The following PDE2A variants were observed in gnomAD, a reference collection of about 807,000 sequenced individuals.
The protein encoded by PDE2A is phosphodiesterase 2A.
In PDE2A, 53 loss-of-function variants were observed where a neutral mutation model predicts 133.6. The observed-to-expected ratio is 0.40, with a 90% CI of 0.32 to 0.50. The LOEUF (loss-of-function observed/expected upper bound fraction) is 0.50. Among genes scored for constraint, PDE2A ranks in the 20% least tolerant of loss-of-function variants. The probability of loss-of-function intolerance (pLI) is 0.73; values close to 1 mark genes in which losing one functional copy is unlikely to be tolerated. For synonymous variants in PDE2A, 491 were observed against 490.2 expected (o/e 1.00, Z -0.02); for missense variants, 796 against 1,232.4 (o/e 0.65, Z 5.30).
intron 2 of PDE2A, among the ~76,000 whole-genome samples, chr11:72,634,807 G>A (rs1278448644): frequency 2.6e-5 from 4 of 152,220 alleles, no homozygotes; most frequent in Non-Finnish European, 5.9e-5. Flanking sequence ...TCACCCTTGG[G>A]GCAAGAACAG....
chr11:72,608,921 GAATGTCCA>G (rs1456857620), intron 2 of PDE2A, among the ~76,000 whole-genome samples, 170 bp from the exon 3 acceptor site: 1 of 152,206 alleles, frequency 6.6e-6, no homozygotes, highest in Non-Finnish European at 1.5e-5. Flanking sequence ...TAAGGCCACA[GAATGTCCA>G]AGTACCCTCA....
chr11:72,619,595 G>T (rs1857646761), intron 2 of PDE2A, among the ~76,000 whole-genome samples: 1 of 152,220 alleles, frequency 6.6e-6, no homozygotes, highest in African/African-American at 2.4e-5. Flanking sequence ...CTGCATCTAT[G>T]CATATGTGAT....
At chr11:72,666,786 A>G (rs1357216295) in intron 1 of PDE2A, among the ~76,000 whole-genome samples, 1 of 152,172 alleles carries the variant, frequency 6.6e-6, no homozygotes. Flanking sequence ...CATGCATATA[A>G]CTGTTTACCA....
intron 2 of PDE2A, among the ~76,000 whole-genome samples, chr11:72,634,413 G>C (rs1393047138): frequency 1.3e-5 from 2 of 152,328 alleles, no homozygotes; most frequent in East Asian, 3.9e-4. Context: ...CAGGGGAAGT[G>C]GGGGAGGCTG....
intron 2 of PDE2A, among the ~76,000 whole-genome samples, chr11:72,626,148 G>A (rs1858052096): frequency 6.6e-6 from 1 of 152,264 alleles, no homozygotes; most frequent in Admixed American, 6.5e-5. Flanking sequence ...TGTCTTCTCT[G>A]GGTATAAGTC....
intron 3 of PDE2A, among the ~76,000 whole-genome samples, chr11:72,607,680 C>G (rs1384944277): frequency 6.6e-6 from 1 of 152,124 alleles, no homozygotes; most frequent in East Asian, 1.9e-4. Context: ...CTCTGGGCCT[C>G]CGGTGGTTCA....
Position 72,582,531 on chromosome 11 carries a change from A to C in PDE2A, c.1764T>G (p.Asp588Glu), listed in dbSNP as rs769339651. ...CAATGGCAGCCACAGGCTGGATCCCATCATGGAGAAGTTTGGTATACTCAT... is the reference window on the plus strand; with the variant it reads ...CAATGGCAGCCACAGGCTGGATCCCCTCATGGAGAAGTTTGGTATACTCAT... ...SDDEYTKLLH[D>E]GIQPVAAIDS... The change falls in exon 21 of 31, where the codon GAT (aspartate) becomes GAG (glutamate). Residue 588 changes from aspartate (D) to glutamate (E), a missense_variant. Coordinates refer to ENST00000334456, the MANE Select transcript of PDE2A (RefSeq NM_002599.5). 6.2e-7 allele frequency: 1 copy of C among 1,613,732 alleles called. No homozygotes were observed. Among genetic ancestry groups the C allele is most frequent in the Admixed American group, 1.7e-5 (1 of 60,014 alleles).
rs138518962 is a variant in PDE2A, at chr11:72,600,452, G to A, written c.324-2833C>T. The stretch of plus-strand genomic sequence containing the variant: ...GCAGCCTGCCCTCCCCCGGCTTTGC[G>A]GGACCCCATAGCCCACACTCACCTC... On this transcript the variant is annotated intron_variant, in intron 4 of 30. Coordinates refer to ENST00000334456, the MANE Select transcript of PDE2A (RefSeq NM_002599.5). Among the ~76,000 whole-genome samples, 80 of 152,114 alleles carry A rather than the reference G, an allele frequency of 5.3e-4. No homozygotes were observed. In the South Asian group the frequency reaches 0.013, roughly 26 times the overall value.
chr11:72,606,759 C>T (rs341086), intron 3 of PDE2A, among the ~76,000 whole-genome samples: 79,050 of 151,996 alleles, frequency 0.52, 21,297 homozygotes, highest in East Asian at 0.75. Flanking sequence ...GCCGGGGTTA[C>T]ACAGAAAGTC....
chr11:72,659,614 G>A (rs1254293847), intron 1 of PDE2A, among the ~76,000 whole-genome samples: 1 of 152,136 alleles, frequency 6.6e-6, no homozygotes, highest in Non-Finnish European at 1.5e-5. Context: ...GGGAACAAAA[G>A]TGACCCCCTT....
intron 2 of PDE2A, among the ~76,000 whole-genome samples, chr11:72,620,320 G>A (rs116223233): frequency 0.012 from 1,877 of 152,206 alleles, 53 homozygotes; most frequent in African/African-American, 0.043. Flanking sequence ...CCCTCCCCAA[G>A]GCCCAGGAGA....
intron 1 of PDE2A, among the ~76,000 whole-genome samples, chr11:72,660,850 G>C (rs1408785842): frequency 1.3e-5 from 2 of 151,898 alleles, no homozygotes; most frequent in African/African-American, 4.8e-5. Flanking sequence ...GAGAAGGTGA[G>C]TGAGTATGTG....
In PDE2A at chr11:72,590,180, G is replaced by T. The variant is rs1856171999; in HGVS notation, c.756+12C>A. 2 of 1,545,764 alleles carry T rather than the reference G, an allele frequency of 1.3e-6. No homozygotes were observed. Among genetic ancestry groups the T allele is most frequent in the South Asian group, 1.2e-5 (1 of 83,852 alleles). On this transcript the variant is annotated intron_variant, in intron 9 of 30. Coordinates refer to ENST00000334456, the MANE Select transcript of PDE2A (RefSeq NM_002599.5). The surrounding 1 kb of genome is among the most constrained non-coding windows in gnomAD (Gnocchi z 4.8). ...GGACGGGGAGGTGGCCGGCAGGGGC[G>T]CAGGGACTCACGTATTGGAGCACTT... is the stretch of plus-strand genomic sequence containing the variant.
At chr11:72,582,111 A>G in intron 21 of PDE2A, 164 bp from the exon 22 acceptor site, 1 of 636,182 alleles carries the variant, frequency 1.6e-6, no homozygotes, top group South Asian at 1.9e-5. Context: ...GGAGCTATGC[A>G]TTTTTAGAGA....
chr11:72,669,379 C>T (rs1245216702), intron 1 of PDE2A, among the ~76,000 whole-genome samples: 1 of 152,072 alleles, frequency 6.6e-6, no homozygotes, highest in Admixed American at 6.5e-5. Flanking sequence ...CCAGTTGCCT[C>T]CTGTTTTTCG....
chr11:72,620,345 C>G (rs1363514582), intron 2 of PDE2A, among the ~76,000 whole-genome samples: 2 of 152,164 alleles, frequency 1.3e-5, no homozygotes, highest in East Asian at 1.9e-4. Flanking sequence ...CCCTCAGAAG[C>G]CACAAGGGGG....
intron 2 of PDE2A, among the ~76,000 whole-genome samples, chr11:72,626,908 C>T (rs1484471552): frequency 1.3e-5 from 2 of 152,200 alleles, no homozygotes; most frequent in African/African-American, 4.8e-5. Flanking sequence ...GTCCTTGCTC[C>T]AGCCTCCTCT....
intron 1 of PDE2A, among the ~76,000 whole-genome samples, chr11:72,643,944 G>T (rs915794744): frequency 6.6e-6 from 1 of 152,050 alleles, no homozygotes; most frequent in Non-Finnish European, 1.5e-5. Context: ...AGCCTGGCGG[G>T]CCAGACCCTC....
chr11:72,590,691 A>C lies in PDE2A; in HGVS notation c.550-111T>G. 9.7e-7 allele frequency: 1 copy of C among 1,027,584 alleles called. No individual in the cohort carries two copies. Among genetic ancestry groups the C allele is most frequent in the Non-Finnish European group, 1.3e-6 (1 of 772,914 alleles). The allele number at this position is 1,027,584 out of a possible 1,614,324, so 63.7% of individuals were successfully genotyped here. A position where few individuals can be genotyped will look rare whatever the true frequency, so the allele number is the denominator to read the frequency against. ...TTCCCTCTGCCTGCCGGGCCCAGGG[A>C]CCCCGCCGCCGTCCCAAACACCTCA... On this transcript the variant is annotated intron_variant, in intron 7 of 30. Transcript: ENST00000334456. This position sits in a 1 kb window ranked among gnomAD's most constrained non-coding sequence, Gnocchi z 4.8.
Sources: gnomAD v4.1 joint callset for allele counts (sites outside exome capture counted in the v4.1 genomes callset) on GRCh38, gnomAD v4.1.1 for gene constraint, Gnocchi (gnomAD v3.1) non-coding constraint, MANE v1.5 for transcripts, NCBI Gene and HGNC (gene_info 2026-07-23, HGNC 2026-07-21) for gene names.